DCC: variants seen among roughly 807,000 people sequenced by gnomAD.
DCC encodes the protein DCC netrin 1 receptor, also known as netrin receptor DCC.
A neutral mutation model predicts 172.5 loss-of-function variants in DCC; 58 were observed. That is an observed-to-expected ratio of 0.34 (90% CI 0.27 to 0.42). The LOEUF (loss-of-function observed/expected upper bound fraction) is 0.42. Among genes scored for constraint, DCC ranks in the 10% least tolerant of loss-of-function variants. The pLI is 1.00. For missense variants in DCC, 1,740 were observed against 1,791.0 expected, an observed-to-expected ratio of 0.97 and a Z score of 0.51; for synonymous variants, 709 against 644.5, an observed-to-expected ratio of 1.10 and a Z score of -1.52.
chr18:52,800,185 T>C (rs1244793027), intron 2 of DCC, among the ~76,000 whole-genome samples: 3 of 152,228 alleles, frequency 2.0e-5, no homozygotes, highest in Non-Finnish European at 2.9e-5. Flanking sequence ...TCCTACTCAA[T>C]AAGTACCTTC....
chr18:53,024,441 C>A (rs1286903059), intron 5 of DCC, among the ~76,000 whole-genome samples: 1 of 152,122 alleles, frequency 6.6e-6, no homozygotes, highest in Non-Finnish European at 1.5e-5. Context: ...AAATATGTTA[C>A]ATTTGCATAG....
At chr18:52,804,493 G>A (rs2038050381) in intron 2 of DCC, among the ~76,000 whole-genome samples, 1 of 152,050 alleles carries the variant, frequency 6.6e-6, no homozygotes, top group African/African-American at 2.4e-5. Flanking sequence ...TCGGTTTATA[G>A]ACAAAAAAAG....
intron 8 of DCC, among the ~76,000 whole-genome samples, chr18:53,166,492 T>C (rs1476566127): frequency 6.6e-6 from 1 of 152,064 alleles, no homozygotes; most frequent in Non-Finnish European, 1.5e-5. Context: ...AATCCAGAAC[T>C]CAGTCACATT....
chr18:53,238,756 TG>T (rs2056242156), intron 12 of DCC, among the ~76,000 whole-genome samples: 1 of 152,184 alleles, frequency 6.6e-6, no homozygotes, highest in Non-Finnish European at 1.5e-5. Flanking sequence ...TGAAAAATGC[TG>T]TCATACAGGT....
chr18:52,582,155 A>T (rs774617425), intron 1 of DCC, among the ~76,000 whole-genome samples: 1 of 152,168 alleles, frequency 6.6e-6, no homozygotes, highest in East Asian at 1.9e-4. Context: ...TGAACTCTAA[A>T]TATATTAAGT....
At chr18:52,943,079 C>T (rs2040488691) in intron 5 of DCC, among the ~76,000 whole-genome samples, 1 of 151,906 alleles carries the variant, frequency 6.6e-6, no homozygotes, top group African/African-American at 2.4e-5. Flanking sequence ...TGTTTTAATA[C>T]CATTTTGATG....
At chr18:53,085,591 A>G (rs1473101806) in intron 7 of DCC, among the ~76,000 whole-genome samples, 1 of 152,116 alleles carries the variant, frequency 6.6e-6, no homozygotes, top group Non-Finnish European at 1.5e-5. Context: ...CTGAAATATT[A>G]CTTAATCAAA....
rs144610778 is a variant in DCC, at chr18:52,721,791, G to A, written c.92-30263G>A. Among the ~76,000 whole-genome samples the A allele has an allele frequency of 1.3e-3, 199 of 152,284 alleles. 2 individuals are homozygous for A. The highest frequency in any genetic ancestry group is 4.4e-3 in the African/African-American group (181 of 41,558). On this transcript the variant is annotated intron_variant, in intron 1 of 28. Coordinates refer to ENST00000442544, the MANE Select transcript of DCC (RefSeq NM_005215.4). ...TGTAATCTGAACACTTTGGGATGCC[G>A]AGGCAGGTGGATCACCAGAGGTTGG...
At chr18:52,494,861 T>C (rs1044991716) in intron 1 of DCC, among the ~76,000 whole-genome samples, 1 of 152,122 alleles carries the variant, frequency 6.6e-6, no homozygotes, top group African/African-American at 2.4e-5. Flanking sequence ...CTGTATCTTG[T>C]CACACCTAGT....
chr18:52,618,717 A>G (rs2034428076), intron 1 of DCC, among the ~76,000 whole-genome samples: 1 of 152,134 alleles, frequency 6.6e-6, no homozygotes, highest in Non-Finnish European at 1.5e-5. Context: ...CTGTATTCTA[A>G]TATATTTTGT....
intron 1 of DCC, among the ~76,000 whole-genome samples, chr18:52,405,858 C>T (rs979763334): frequency 2.0e-5 from 3 of 151,294 alleles, no homozygotes; most frequent in Admixed American, 2.0e-4. Flanking sequence ...GAGCCTGCAT[C>T]GCGAAGTCAA....
At chr18:52,681,592 C>A (rs1009181176) in intron 1 of DCC, among the ~76,000 whole-genome samples, 3 of 151,996 alleles carry the variant, frequency 2.0e-5, no homozygotes, top group South Asian at 2.1e-4. Context: ...CTGATTAGTT[C>A]CTTTTGTCAA....
At chr18:52,635,115 A>G (rs1351747334) in intron 1 of DCC, among the ~76,000 whole-genome samples, 3 of 152,216 alleles carry the variant, frequency 2.0e-5, no homozygotes, top group Non-Finnish European at 4.4e-5. Context: ...AATAATGTCT[A>G]GGGCACTCTT....
intron 1 of DCC, among the ~76,000 whole-genome samples, chr18:52,399,770 T>A (rs1422238674): frequency 6.6e-6 from 1 of 152,030 alleles, no homozygotes; most frequent in Non-Finnish European, 1.5e-5. Flanking sequence ...GTTATTGACA[T>A]GTCTGTTACG....
intron 1 of DCC, among the ~76,000 whole-genome samples, chr18:52,612,121 A>G (rs968469490): frequency 2.6e-5 from 4 of 152,152 alleles, no homozygotes; most frequent in South Asian, 2.1e-4. Context: ...ACATACCCCA[A>G]TACTTACTCA....
At chr18:53,259,088 T>G (rs2056560481) in intron 12 of DCC, among the ~76,000 whole-genome samples, 1 of 152,188 alleles carries the variant, frequency 6.6e-6, no homozygotes, top group Admixed American at 6.5e-5. Flanking sequence ...TCCCTTTATT[T>G]TGAGCCTGTG....
At chr18:52,822,221 A>T (rs2038420069) in intron 2 of DCC, among the ~76,000 whole-genome samples, 1 of 152,134 alleles carries the variant, frequency 6.6e-6, no homozygotes, top group African/African-American at 2.4e-5. Context: ...TATGAGCAAA[A>T]AAGTGTAAGC....
chr18:53,448,041 T>C (rs1912725503), intron 22 of DCC, among the ~76,000 whole-genome samples: 1 of 147,910 alleles, frequency 6.8e-6, no homozygotes, highest in Non-Finnish European at 1.5e-5. Context: ...ATTTAAATTT[T>C]GATGAGTTTT....
intron 25 of DCC, among the ~76,000 whole-genome samples, chr18:53,477,809 AG>A (rs1338439876): frequency 6.6e-6 from 1 of 152,214 alleles, no homozygotes; most frequent in Admixed American, 6.5e-5. Context: ...CATTCTTCAC[AG>A]TAAAATTAGC....
Sources: allele counts gnomAD v4.1 joint callset (sites outside exome capture counted in the v4.1 genomes callset), GRCh38; gene constraint gnomAD v4.1.1; transcripts MANE v1.5; gene names NCBI Gene and HGNC (gene_info 2026-07-23, HGNC 2026-07-21).